SLC26A5: variants seen among roughly 807,000 people sequenced by gnomAD.
SLC26A5 encodes the protein prestin.
Under a neutral mutation model 81.0 loss-of-function variants are expected in SLC26A5, and 51 were observed. The ratio of observed to expected loss-of-function variants is 0.63; its 90% CI spans 0.50 to 0.80. The LOEUF is 0.80. SLC26A5 is among the 30% of genes least tolerant of loss of function. The pLI is 0.00. For synonymous variants in SLC26A5, 325 were observed against 332.8 expected (o/e 0.98, Z 0.25); for missense variants, 771 against 905.8 (o/e 0.85, Z 1.91).
At chr7:103,363,620 A>T (rs944523225) in intron 19 of SLC26A5, among the ~76,000 whole-genome samples, 2 of 152,122 alleles carry the variant, frequency 1.3e-5, no homozygotes, top group Admixed American at 1.3e-4. Context: ...AGCAAAAAGG[A>T]TTGAGTGGTC....
intron 2 of SLC26A5, among the ~76,000 whole-genome samples, chr7:103,438,760 A>T: frequency 6.6e-6 from 1 of 152,320 alleles, no homozygotes; most frequent in Middle Eastern, 3.4e-3. Context: ...ATTATCTAGA[A>T]ATTTCCCTTC....
intron 2 of SLC26A5, chr7:103,433,628 T>C (rs550164924): frequency 1.3e-5 from 2 of 152,232 alleles, no homozygotes; most frequent in Admixed American, 6.6e-5. Context: ...TAAAAGGAAA[T>C]GCATTTAATT....
intron 1 of SLC26A5, chr7:103,445,431 G>C (rs891008612): frequency 6.6e-6 from 1 of 152,378 alleles, no homozygotes; most frequent in Non-Finnish European, 1.5e-5. Flanking sequence ...CCTCTATGAT[G>C]GCAGAGCACC....
chr7:103,368,154 T>A (rs1820817429), intron 19 of SLC26A5: 1 of 1,066,380 alleles, frequency 9.4e-7, no homozygotes, highest in Non-Finnish European at 1.3e-6. Flanking sequence ...TTCAAAATTG[T>A]ATGCTTTTTT....
chr7:103,417,382 A>G (rs1409318039), intron 4 of SLC26A5, among the ~76,000 whole-genome samples: 1 of 151,590 alleles, frequency 6.6e-6, no homozygotes, highest in Non-Finnish European at 1.5e-5. Context: ...AAAAAAAAAA[A>G]AAAGAAAAAA....
intron 10 of SLC26A5, 34 bp from the exon 11 acceptor site, chr7:103,391,769 A>T (rs773087418): frequency 6.4e-7 from 1 of 1,557,584 alleles, no homozygotes; most frequent in Admixed American, 1.7e-5. Context: ...CAAAAGAGAT[A>T]GGTCATTCTT....
intron 14 of SLC26A5, among the ~76,000 whole-genome samples, chr7:103,383,651 A>C (rs988276604): frequency 1.3e-5 from 2 of 152,112 alleles, no homozygotes; most frequent in African/African-American, 4.8e-5. Flanking sequence ...TAAGTCTTTA[A>C]AAATTTATTT....
intron 13 of SLC26A5, 21 bp from the exon 14 acceptor site, chr7:103,389,135 T>C: frequency 1.3e-6 from 2 of 1,556,052 alleles, no homozygotes; most frequent in South Asian, 1.1e-5. Context: ...GACAGAAAAC[T>C]TGATGGAGAA....
intron 2 of SLC26A5, among the ~76,000 whole-genome samples, chr7:103,442,762 T>C (rs1826974126): frequency 6.6e-6 from 1 of 152,218 alleles, no homozygotes; most frequent in South Asian, 2.1e-4. Flanking sequence ...CTTAAAACCA[T>C]GATCTCCATT....
At chr7:103,417,379 A>G (rs1415559462) in intron 4 of SLC26A5, among the ~76,000 whole-genome samples, 1 of 151,546 alleles carries the variant, frequency 6.6e-6, no homozygotes, top group African/African-American at 2.4e-5. Flanking sequence ...AAAAAAAAAA[A>G]AAAAAAGAAA....
chr7:103,407,944 C>T lies in SLC26A5; in HGVS notation c.795G>A (p.Gly265=). Residue 265 remains glycine, a synonymous_variant, in exon 8 of 20, where the codon GGG becomes GGA. Transcript: ENST00000306312. The part of the protein sequence containing the change: ...KNLNVCSLGV[G]LMVFGLLLGG... ...CCAACAGCAAACCAAAAACCATCAG[C>T]CCGACGCCTAGGGAACACACGTTGA... The T allele has an allele frequency of 6.2e-7, 1 of 1,614,182 alleles. No individual in the cohort carries two copies. Among genetic ancestry groups the T allele is most frequent in the Non-Finnish European group, 8.5e-7 (1 of 1,180,026 alleles).
At chr7:103,414,947 G>A (rs751515968) in intron 4 of SLC26A5, among the ~76,000 whole-genome samples, 15 of 152,038 alleles carry the variant, frequency 9.9e-5, no homozygotes, top group Non-Finnish European at 1.9e-4. Flanking sequence ...CAGTCTCCTC[G>A]TTCCCTCATA....
chr7:103,429,095 C>T lies in SLC26A5; in HGVS notation c.-53-7528G>A, dbSNP rs1425018929. On this transcript the variant is annotated intron_variant, in intron 2 of 19. Transcript: ENST00000306312. ...ACAACATTCTGGGAACAGTATCTGG[C>T]AAGTTTCAAAATGCCAATTAAATCT... Among the ~76,000 whole-genome samples, 3 of 152,296 alleles carry T rather than the reference C, an allele frequency of 2.0e-5. No homozygotes were observed. In the East Asian group the frequency reaches 5.8e-4, roughly 29 times the overall value.
At chr7:103,433,936 C>T (rs191850818) in intron 2 of SLC26A5, among the ~76,000 whole-genome samples, 6 of 152,120 alleles carry the variant, frequency 3.9e-5, no homozygotes, top group East Asian at 3.9e-4. Context: ...CTCCTGACCT[C>T]GTGATCTGCC....
chr7:103,364,985 T>TATATATATATATATATATATATA (rs1820631473), intron 19 of SLC26A5, among the ~76,000 whole-genome samples: 3 of 55,612 alleles, frequency 5.4e-5, no homozygotes, highest in Non-Finnish European at 8.0e-5. Context: ...ATATATATAT[T>TATATATATATATATATATATATA]TAGAGAATAA....
chr7:103,422,461 T>G (rs1243796497), intron 2 of SLC26A5, among the ~76,000 whole-genome samples: 1 of 151,478 alleles, frequency 6.6e-6, no homozygotes, highest in Non-Finnish European at 1.5e-5. Context: ...AGGATTCAAT[T>G]ATTTAAAGTT....
At chr7:103,392,087 C>A (rs763419804) in intron 10 of SLC26A5, among the ~76,000 whole-genome samples, 1 of 152,194 alleles carries the variant, frequency 6.6e-6, no homozygotes, top group South Asian at 2.1e-4. Context: ...GGACTCTTGG[C>A]ATCTTTTTAA....
At chr7:103,353,163 T>C (rs1005835788) in intron 19 of SLC26A5, among the ~76,000 whole-genome samples, 1 of 151,904 alleles carries the variant, frequency 6.6e-6, no homozygotes, top group Non-Finnish European at 1.5e-5. Context: ...TCTCCACATG[T>C]GTTTTAAGTG....
intron 19 of SLC26A5, among the ~76,000 whole-genome samples, chr7:103,365,882 C>T (rs1042346721): frequency 6.6e-6 from 1 of 151,960 alleles, no homozygotes; most frequent in East Asian, 1.9e-4. Context: ...GAGCCGAGCT[C>T]GCACCACTGC....
Sources: gnomAD v4.1 joint callset for allele counts (sites outside exome capture counted in the v4.1 genomes callset) on GRCh38, gnomAD v4.1.1 for gene constraint, MANE v1.5 for transcripts, NCBI Gene and HGNC (gene_info 2026-07-23, HGNC 2026-07-21) for gene names.